Variants in SLC44A5 observed in about 807,000 individuals in gnomAD.
SLC44A5 encodes solute carrier family 44 member 5.
A neutral mutation model predicts 101.8 loss-of-function variants in SLC44A5; 57 were observed. The ratio of observed to expected loss-of-function variants is 0.56; its 90% CI spans 0.45 to 0.70. The LOEUF (loss-of-function observed/expected upper bound fraction) is 0.70. Ranked by LOEUF, SLC44A5 falls within the 30% of genes least tolerant of loss-of-function variation. The pLI, the probability that SLC44A5 is intolerant of heterozygous loss-of-function variation, is 0.00. For synonymous variants in SLC44A5, 281 were observed against 290.9 expected, an observed-to-expected ratio of 0.97 and a Z score of 0.35; for missense variants, 737 against 853.1, an observed-to-expected ratio of 0.86 and a Z score of 1.70.
the SLC44A5 span, among the ~76,000 whole-genome samples, chr1:75,635,430 C>T: frequency 6.6e-6 from 1 of 151,872 alleles, no homozygotes; most frequent in Non-Finnish European, 1.5e-5. Flanking sequence ...CAATGATAGA[C>T]TGGATTAAGA....
chr1:75,223,421 AAAT>A (rs1487881656), intron 13 of SLC44A5, among the ~76,000 whole-genome samples: 1 of 152,226 alleles, frequency 6.6e-6, no homozygotes, highest in Non-Finnish European at 1.5e-5. Context: ...ATCCTTAATT[AAAT>A]AATAACTTTT....
At chr1:75,419,371 A>G (rs1451924732) in intron 2 of SLC44A5, among the ~76,000 whole-genome samples, 1 of 152,012 alleles carries the variant, frequency 6.6e-6, no homozygotes, top group Non-Finnish European at 1.5e-5. Context: ...AGCCAGAGAA[A>G]GACATATATA....
chr1:75,707,349 T>C, the SLC44A5 span, among the ~76,000 whole-genome samples: 8 of 152,090 alleles, frequency 5.3e-5, no homozygotes, highest in Non-Finnish European at 1.0e-4. Flanking sequence ...AAACCTGGAG[T>C]CAACACAACC....
At chr1:75,261,806 G>A (rs1465653903) in intron 6 of SLC44A5, among the ~76,000 whole-genome samples, 1 of 152,032 alleles carries the variant, frequency 6.6e-6, no homozygotes, top group African/African-American at 2.4e-5. Context: ...ACATCAAAAA[G>A]CTTATCCACC....
At chr1:75,477,425 G>A (rs1440700091) in intron 2 of SLC44A5, among the ~76,000 whole-genome samples, 3 of 152,000 alleles carry the variant, frequency 2.0e-5, no homozygotes, top group Admixed American at 6.6e-5. Flanking sequence ...GACGAGTTGA[G>A]AGAAGGCTTC....
chr1:75,319,432 A>G (rs1557658338), intron 4 of SLC44A5, among the ~76,000 whole-genome samples: 1 of 152,186 alleles, frequency 6.6e-6, no homozygotes, highest in Non-Finnish European at 1.5e-5. Flanking sequence ...ATAGCTCTCA[A>G]TCTGTTTATT....
intron 4 of SLC44A5, among the ~76,000 whole-genome samples, chr1:75,312,342 G>C (rs76933860): frequency 6.6e-6 from 1 of 152,090 alleles, no homozygotes; most frequent in Non-Finnish European, 1.5e-5. Context: ...ATGCAACAGG[G>C]GAGAAAGGGA....
chr1:75,593,724 A>C (rs1322901137), intron 1 of SLC44A5, among the ~76,000 whole-genome samples: 1 of 152,122 alleles, frequency 6.6e-6, no homozygotes, highest in Non-Finnish European at 1.5e-5. Flanking sequence ...GTTAAGCGAA[A>C]TAAGCAGGCA....
At chr1:75,596,195 GACACATGCAC>G (rs1327568535) in intron 1 of SLC44A5, among the ~76,000 whole-genome samples, 13 of 113,206 alleles carry the variant, frequency 1.1e-4, no homozygotes, top group Non-Finnish European at 2.1e-4. Flanking sequence ...CAACATAGTA[GACACATGCAC>G]ACACACACAC....
chr1:75,572,649 A>C (rs931707035), intron 1 of SLC44A5, among the ~76,000 whole-genome samples: 1 of 152,208 alleles, frequency 6.6e-6, no homozygotes, highest in African/African-American at 2.4e-5. Context: ...TTTGTCTTAC[A>C]AAGTGGAGAG....
chr1:75,237,821 T>C (rs943678090), intron 10 of SLC44A5, among the ~76,000 whole-genome samples: 1 of 152,100 alleles, frequency 6.6e-6, no homozygotes, highest in Non-Finnish European at 1.5e-5. Context: ...GGAACTACAC[T>C]GTACTAATTA....
intron 2 of SLC44A5, among the ~76,000 whole-genome samples, chr1:75,521,083 A>G (rs1461305806): frequency 6.6e-6 from 1 of 152,196 alleles, no homozygotes; most frequent in Non-Finnish European, 1.5e-5. Flanking sequence ...TGGGATGTAC[A>G]TACAGCAATA....
At chr1:75,403,470 C>A (rs1662635508) in intron 2 of SLC44A5, among the ~76,000 whole-genome samples, 1 of 152,172 alleles carries the variant, frequency 6.6e-6, no homozygotes, top group Non-Finnish European at 1.5e-5. Flanking sequence ...CTGGCTGGTG[C>A]CCCTCTGGGA....
chr1:75,642,634 G>A, the SLC44A5 span, among the ~76,000 whole-genome samples: 1 of 152,104 alleles, frequency 6.6e-6, no homozygotes, highest in Admixed American at 6.6e-5. Flanking sequence ...TAAGTGTGCT[G>A]ACCATTTATA....
At chr1:75,299,777 G>A (rs567405930) in intron 5 of SLC44A5, among the ~76,000 whole-genome samples, 19 of 151,884 alleles carry the variant, frequency 1.3e-4, no homozygotes, top group Non-Finnish European at 2.5e-4. Context: ...TTGGGAGGCC[G>A]AGGGGGGCAG....
chr1:75,242,921 G>T lies in SLC44A5; in HGVS notation c.436C>A (p.Arg146Ser). 1 of 1,611,802 alleles carries T rather than the reference G, an allele frequency of 6.2e-7. No homozygotes were observed. Among genetic ancestry groups the T allele is most frequent in the Non-Finnish European group, 8.5e-7 (1 of 1,178,876 alleles). Residue 146 changes from arginine to serine, a missense_variant, in exon 8 of 24, where the codon CGT becomes AGT. Physicochemically the swap from Arg to Ser is moderately radical, Grantham distance 110. Transcript: ENST00000370859. ...TTAGCAGTGGTCTTACAGAACTGAC[G>T]GTAGTCTTCCCAGTAGCTTTTGTCT... Reference protein sequence around the residue: ...TKDKSYWEDYRQFCKTTAKPV... With the variant: ...TKDKSYWEDYSQFCKTTAKPV...
intron 2 of SLC44A5, among the ~76,000 whole-genome samples, chr1:75,469,900 G>GAAAAAAA (rs1171157547): frequency 9.9e-5 from 8 of 80,534 alleles, no homozygotes; most frequent in South Asian, 4.4e-4. Flanking sequence ...ACCTTGTGAA[G>GAAAAAAA]AAAAAAAAAA....
Position 75,504,350 on chromosome 1 carries a change from A to G in SLC44A5, c.13+37085T>C, listed in dbSNP as rs114197642. On this transcript the variant is annotated intron_variant, in intron 2 of 23. Transcript: ENST00000370859. ...GCATTAAAGGGATTCTGGGGGACCAATAACATATATTTCTTAATGTTTGTG... is the reference window on the plus strand; with the variant it reads ...GCATTAAAGGGATTCTGGGGGACCAGTAACATATATTTCTTAATGTTTGTG... Among the ~76,000 whole-genome samples, 880 of 152,274 alleles carry G rather than the reference A, an allele frequency of 5.8e-3. 4 individuals are homozygous for G. The highest frequency in any genetic ancestry group is 0.02 in the African/African-American group (843 of 41,560).
At chr1:75,667,059 T>G in the SLC44A5 span, among the ~76,000 whole-genome samples, 3 of 152,164 alleles carry the variant, frequency 2.0e-5, no homozygotes, top group Non-Finnish European at 4.4e-5. Flanking sequence ...CCACTGCTAT[T>G]CAAGATAGTA....
Sources: allele counts gnomAD v4.1 joint callset (sites outside exome capture counted in the v4.1 genomes callset), GRCh38; gene constraint gnomAD v4.1.1; transcripts MANE v1.5; gene names NCBI Gene and HGNC (gene_info 2026-07-23, HGNC 2026-07-21).